KLF12: variants seen among roughly 807,000 people sequenced by gnomAD.
The protein encoded by KLF12 is KLF transcription factor 12.
Under a neutral mutation model 37.8 loss-of-function variants are expected in KLF12, and 9 were observed. The ratio of observed to expected loss-of-function variants is 0.24; its 90% CI spans 0.14 to 0.42. The LOEUF (loss-of-function observed/expected upper bound fraction) is 0.42. KLF12 is among the 10% of genes least tolerant of loss of function. The pLI is 1.00. For synonymous variants in KLF12, 208 were observed against 202.1 expected (o/e 1.03, Z -0.25); for missense variants, 411 against 516.0 (o/e 0.80, Z 1.97).
At chr13:73,740,591 T>A (rs577501294) in intron 6 of KLF12, among the ~76,000 whole-genome samples, 1 of 152,316 alleles carries the variant, frequency 6.6e-6, no homozygotes, top group South Asian at 2.1e-4. Context: ...TCCTTCCATC[T>A]TGGCCTCTCG....
At chr13:73,755,189 T>C (rs1184887626) in intron 6 of KLF12, among the ~76,000 whole-genome samples, 2 of 152,208 alleles carry the variant, frequency 1.3e-5, no homozygotes, top group African/African-American at 2.4e-5. Context: ...AAAAGCAGCG[T>C]TTCTTTTTCT....
the KLF12 span, among the ~76,000 whole-genome samples, chr13:74,194,403 G>A: frequency 3.9e-5 from 6 of 152,202 alleles, no homozygotes; most frequent in African/African-American, 7.2e-5. Context: ...TCTCACAGTC[G>A]TGAAGGCTTG....
chr13:74,032,864 T>C (rs1394610061), intron 1 of KLF12, among the ~76,000 whole-genome samples: 1 of 152,222 alleles, frequency 6.6e-6, no homozygotes, highest in Non-Finnish European at 1.5e-5. Flanking sequence ...TATACTAATA[T>C]TTTAATTTTC....
intron 3 of KLF12, among the ~76,000 whole-genome samples, chr13:73,907,047 T>C (rs888199609): frequency 1.3e-5 from 2 of 152,166 alleles, no homozygotes; most frequent in African/African-American, 4.8e-5. Flanking sequence ...TAGAAGCACA[T>C]TTCTTCTAAG....
chr13:74,024,665 T>C (rs973059662), intron 1 of KLF12, among the ~76,000 whole-genome samples: 2 of 151,996 alleles, frequency 1.3e-5, no homozygotes, highest in South Asian at 4.2e-4. Flanking sequence ...TAATTGACAA[T>C]ATTAACGAGT....
At chr13:74,106,903 G>GAA (rs200327476) in intron 1 of KLF12, among the ~76,000 whole-genome samples, 1 of 142,838 alleles carries the variant, frequency 7.0e-6, no homozygotes, top group African/African-American at 2.6e-5. Flanking sequence ...GAGCTCAAAG[G>GAA]AAAAAAAAAA....
intron 2 of KLF12, among the ~76,000 whole-genome samples, chr13:73,990,981 T>C (rs1446218000): frequency 1.3e-5 from 2 of 152,226 alleles, no homozygotes; most frequent in Non-Finnish European, 2.9e-5. Flanking sequence ...CATGCTTTAA[T>C]GGTTTTAAAA....
chr13:73,722,228 T>C (rs1876321634), intron 6 of KLF12, among the ~76,000 whole-genome samples: 1 of 152,188 alleles, frequency 6.6e-6, no homozygotes, highest in African/African-American at 2.4e-5. Flanking sequence ...GAATGAATCA[T>C]CAAGACCACA....
chr13:73,863,329 C>T (rs898800034), intron 3 of KLF12, among the ~76,000 whole-genome samples: 8 of 152,082 alleles, frequency 5.3e-5, no homozygotes, highest in Non-Finnish European at 8.8e-5. Context: ...AGAGGTGTTA[C>T]GGCATGGGCT....
At chr13:73,952,320 T>G (rs1011205650) in intron 2 of KLF12, among the ~76,000 whole-genome samples, 1 of 152,162 alleles carries the variant, frequency 6.6e-6, no homozygotes, top group African/African-American at 2.4e-5. Context: ...CTTACAATCA[T>G]GGCAGAAGGC....
intron 1 of KLF12, among the ~76,000 whole-genome samples, chr13:74,072,392 T>TATATATAA (rs2138710343): frequency 1.6e-5 from 2 of 126,346 alleles, no homozygotes; most frequent in East Asian, 2.4e-4. Flanking sequence ...TATATATATA[T>TATATATAA]ATATATATAT....
At chr13:74,173,103 A>C in the KLF12 span, among the ~76,000 whole-genome samples, 1 of 152,230 alleles carries the variant, frequency 6.6e-6, no homozygotes, top group Non-Finnish European at 1.5e-5. Flanking sequence ...CAATAAAAAT[A>C]GAATAAATGC....
At chr13:73,961,864 T>C in intron 2 of KLF12, 1 of 377,068 alleles carries the variant, frequency 2.7e-6, no homozygotes, top group Non-Finnish European at 5.3e-6. Context: ...GGGGAGGATG[T>C]GGAGCAACAG....
At chr13:73,698,202 G>C (rs1266501746) in intron 7 of KLF12, among the ~76,000 whole-genome samples, 1 of 151,680 alleles carries the variant, frequency 6.6e-6, no homozygotes, top group Non-Finnish European at 1.5e-5. Context: ...GGAGGGGAAA[G>C]GGAAGGAGGA....
the KLF12 span, among the ~76,000 whole-genome samples, chr13:74,242,821 A>G: frequency 6.6e-6 from 1 of 152,178 alleles, no homozygotes; most frequent in Non-Finnish European, 1.5e-5. Flanking sequence ...GAGACATATT[A>G]CAGCAAGGTG....
At chr13:74,213,028 T>C in the KLF12 span, among the ~76,000 whole-genome samples, 2 of 152,142 alleles carry the variant, frequency 1.3e-5, no homozygotes, top group East Asian at 1.9e-4. Context: ...TAGAACATTG[T>C]AGAAATTTTC....
the KLF12 span, among the ~76,000 whole-genome samples, chr13:74,268,936 A>T: frequency 6.6e-6 from 1 of 152,196 alleles, no homozygotes; most frequent in Non-Finnish European, 1.5e-5. Flanking sequence ...ATTAATCCTG[A>T]CACTGAAGAA....
intron 2 of KLF12, among the ~76,000 whole-genome samples, chr13:73,982,997 C>G (rs1460644627): frequency 1.3e-5 from 2 of 150,810 alleles, no homozygotes; most frequent in Non-Finnish European, 1.5e-5. Flanking sequence ...TCTCATTTTT[C>G]TCTCATTCTC....
rs150857713 is a variant in KLF12 at position 73,874,322 on chromosome 13, AG to A, written c.124-27950del. Among the ~76,000 whole-genome samples the A allele has an allele frequency of 2.3e-3, 347 of 152,304 alleles. 2 individuals carry two copies. Among genetic ancestry groups the A allele is most frequent in the African/African-American group, 8.0e-3 (333 of 41,576 alleles). Reference sequence around the variant, plus strand: ...AGAGAAAGCTGGGCTGAGGTAGGGAAGGTGGTGGTGACACTTCCCCTGTGAA... The same window carrying A: ...AGAGAAAGCTGGGCTGAGGTAGGGAAGTGGTGGTGACACTTCCCCTGTGAA... On this transcript the variant is annotated intron_variant, in intron 3 of 7. Transcript: ENST00000377669.
Sources: allele counts gnomAD v4.1 joint callset (sites outside exome capture counted in the v4.1 genomes callset), GRCh38; gene constraint gnomAD v4.1.1; transcripts MANE v1.5; gene names NCBI Gene and HGNC (gene_info 2026-07-23, HGNC 2026-07-21).